ZSWIM5: variants seen among roughly 807,000 people sequenced by gnomAD.
The protein encoded by ZSWIM5 is zinc finger SWIM domain-containing protein 5.
A neutral mutation model predicts 119.6 loss-of-function variants in ZSWIM5; 55 were observed. That is an observed-to-expected ratio of 0.46 (90% confidence interval 0.37 to 0.58). The LOEUF (loss-of-function observed/expected upper bound fraction) is 0.58, where lower values mean the gene tolerates loss of function less well. Among genes scored for constraint, ZSWIM5 ranks in the 20% least tolerant of loss-of-function variants. ZSWIM5 has a pLI of 0.00. For synonymous variants in ZSWIM5, 537 were observed against 606.9 expected, an observed-to-expected ratio of 0.88 and a Z score of 1.69; for missense variants, 1,193 against 1,512.8, an observed-to-expected ratio of 0.79 and a Z score of 3.51.
At chr1:45,148,929 C>T (rs1292058134) in intron 1 of ZSWIM5, among the ~76,000 whole-genome samples, 1 of 152,160 alleles carries the variant, frequency 6.6e-6, no homozygotes, top group South Asian at 2.1e-4. Context: ...CATAAGATCA[C>T]AGCTGCTTAA....
intron 1 of ZSWIM5, among the ~76,000 whole-genome samples, chr1:45,095,305 T>C (rs1054456455): frequency 6.6e-6 from 1 of 152,054 alleles, no homozygotes; most frequent in Non-Finnish European, 1.5e-5. Context: ...TTTTTATTTT[T>C]TGTAGAGATG....
intron 1 of ZSWIM5, among the ~76,000 whole-genome samples, chr1:45,111,599 A>C (rs756970500): frequency 1.4e-4 from 22 of 152,272 alleles, no homozygotes; most frequent in Non-Finnish European, 2.6e-4. Flanking sequence ...TGGAGGCTCT[A>C]GGGGAAAATC....
chr1:45,052,763 A>G (rs1461136476), intron 4 of ZSWIM5, among the ~76,000 whole-genome samples: 2 of 151,968 alleles, frequency 1.3e-5, no homozygotes, highest in African/African-American at 2.4e-5. Context: ...ATGGGAAAAA[A>G]AAAAAAGAAA....
intron 1 of ZSWIM5, among the ~76,000 whole-genome samples, chr1:45,126,390 T>A (rs1044239113): frequency 1.1e-4 from 17 of 151,848 alleles, no homozygotes; most frequent in African/African-American, 4.1e-4. Context: ...AATAAGTAAA[T>A]ACTATGAACA....
rs556409467 is a variant in ZSWIM5, at chr1:45,021,634, C to T, written c.2450-846G>A. ...GTAGGCCTTATGTTTTGCTTTGTAA[C>T]TGCTGATAAAGTCAAAGAGAAGGAA... On this transcript the variant is annotated intron_variant, in intron 11 of 13. Coordinates refer to ENST00000359600, the MANE Select transcript of ZSWIM5 (RefSeq NM_020883.2). Among the ~76,000 whole-genome samples the T allele has an allele frequency of 1.4e-3, 206 of 152,282 alleles. 1 individual carries two copies. Among genetic ancestry groups the T allele is most frequent in the Non-Finnish European group, 2.7e-3 (182 of 68,026 alleles).
intron 1 of ZSWIM5, among the ~76,000 whole-genome samples, chr1:45,175,649 G>A (rs1645975641): frequency 6.6e-6 from 1 of 151,522 alleles, no homozygotes; most frequent in South Asian, 2.1e-4. Flanking sequence ...ACGGTGTTTT[G>A]CCATGTTGCC....
At chr1:45,022,540 G>A (rs11809982) in intron 11 of ZSWIM5, among the ~76,000 whole-genome samples, 36,203 of 152,066 alleles carry the variant, frequency 0.24, 4,616 homozygotes, top group Admixed American at 0.33. Context: ...GTTTTTGGGT[G>A]CCAGGATTAT....
intron 11 of ZSWIM5, among the ~76,000 whole-genome samples, chr1:45,022,419 C>T (rs970245117): frequency 3.3e-5 from 5 of 151,962 alleles, no homozygotes; most frequent in African/African-American, 9.7e-5. Flanking sequence ...TGTGAGCCAC[C>T]GCACCTGACC....
In ZSWIM5 at chr1:45,020,658, G is replaced by C. The variant is rs371721903; in HGVS notation, c.2580C>G (p.Thr860=). Reference sequence around the variant, plus strand: ...CAAGTTCCAGGGCAACGTTGAGCAGGGTGCTGTCAGTACTACTGTCGGTGG... The same window carrying C: ...CAAGTTCCAGGGCAACGTTGAGCAGCGTGCTGTCAGTACTACTGTCGGTGG... The part of the protein sequence containing the change: ...ATPTDSSTDS[T]LLNVALELGL... The change falls in exon 12 of 14, where the codon ACC becomes ACG. Residue 860 remains threonine, a synonymous_variant. Coordinates refer to ENST00000359600, the MANE Select transcript of ZSWIM5 (RefSeq NM_020883.2). 14 of 1,613,888 alleles carry C rather than the reference G, an allele frequency of 8.7e-6. No homozygotes were observed. Among genetic ancestry groups the C allele is most frequent in the Admixed American group, 1.7e-5 (1 of 59,984 alleles).
At chr1:45,115,936 A>G (rs1434900611) in intron 1 of ZSWIM5, among the ~76,000 whole-genome samples, 1 of 152,188 alleles carries the variant, frequency 6.6e-6, no homozygotes, top group Non-Finnish European at 1.5e-5. Context: ...AGCCGAGATC[A>G]CGCCACTGCA....
intron 2 of ZSWIM5, among the ~76,000 whole-genome samples, chr1:45,067,078 G>T (rs370931577): frequency 6.6e-6 from 1 of 152,070 alleles, no homozygotes; most frequent in African/African-American, 2.4e-5. Flanking sequence ...GTTGATCTTG[G>T]GATGCCTTTA....
intron 4 of ZSWIM5, among the ~76,000 whole-genome samples, chr1:45,056,894 G>A (rs779307907): frequency 3.9e-5 from 6 of 152,168 alleles, no homozygotes; most frequent in South Asian, 2.1e-4. Flanking sequence ...ATGTGTGATC[G>A]GTCCCATTTT....
rs545423716 is a variant in ZSWIM5, at chr1:45,050,495, C to T, written c.1432+579G>A. 1.3e-4 allele frequency among the ~76,000 whole-genome samples: 20 copies of T among 152,226 alleles called. No individual in the cohort carries two copies. The South Asian group carries it at 4.2e-3, about 32-fold the overall frequency. ...TGAATTAGTTGAACTAAAACTGATA[C>T]GAATGCTGATGTCAAGTGATGTCTG... On this transcript the variant is annotated intron_variant, in intron 5 of 13. Coordinates refer to ENST00000359600, the MANE Select transcript of ZSWIM5 (RefSeq NM_020883.2).
chr1:45,060,205 T>A lies in ZSWIM5; in HGVS notation c.995A>T (p.Asn332Ile). 6.2e-7 allele frequency: 1 copy of A among 1,614,070 alleles called. No individual in the cohort carries two copies. Among genetic ancestry groups the A allele is most frequent in the Non-Finnish European group, 8.5e-7 (1 of 1,180,026 alleles). The change falls in exon 3 of 14, where the codon AAC becomes ATC. Residue 332 changes from asparagine (N) to isoleucine (I), a missense_variant. Physicochemically the swap from Asn to Ile is moderately radical, Grantham distance 149. Around this residue, in one of 2 missense-constraint regions of ZSWIM5, gnomAD observed 961 missense variants for 1,290.0 expected, o/e 0.74. Coordinates refer to ENST00000359600, the MANE Select transcript of ZSWIM5 (RefSeq NM_020883.2). ...PTAGASIDDE[N>I]CWHLDEEQVK... The stretch of plus-strand genomic sequence containing the variant: ...CTGTTCTTCATCCAAATGCCAACAG[T>A]TCTCATCGTCAATGCTGGCCCCAGC...
chr1:45,120,841 T>C (rs1354280423), intron 1 of ZSWIM5, among the ~76,000 whole-genome samples: 2 of 152,142 alleles, frequency 1.3e-5, no homozygotes, highest in Admixed American at 6.5e-5. Context: ...TCTAAACCTA[T>C]ACACTATTCT....
intron 1 of ZSWIM5, among the ~76,000 whole-genome samples, chr1:45,180,275 G>A (rs1646008273): frequency 6.6e-6 from 1 of 152,210 alleles, no homozygotes; most frequent in Middle Eastern, 3.2e-3. Flanking sequence ...CACACCAGGA[G>A]ATTATATCCT....
intron 5 of ZSWIM5, among the ~76,000 whole-genome samples, chr1:45,046,676 GAGCTGTT>G (rs1645056842): frequency 7.1e-6 from 1 of 141,114 alleles, no homozygotes; most frequent in African/African-American, 2.9e-5. Flanking sequence ...ACACATATAT[GAGCTGTT>G]AGTATGTAAA....
In ZSWIM5 at chr1:45,148,504, A is replaced by G. The variant is rs563243078; in HGVS notation, c.595+57252T>C. 1.3e-4 allele frequency among the ~76,000 whole-genome samples: 20 copies of G among 152,258 alleles called. No homozygotes were observed. In the South Asian group the frequency reaches 3.1e-3, roughly 24 times the overall value. On this transcript the variant is annotated intron_variant, in intron 1 of 13. Transcript: ENST00000359600. Reference sequence around the variant, plus strand: ...AAGAGAAGTTTCATTGAAAAAAAAAAAAGCTGTAAACCAATTTAGGCTGAA... The same window carrying G: ...AAGAGAAGTTTCATTGAAAAAAAAAGAAGCTGTAAACCAATTTAGGCTGAA...
chr1:45,130,292 G>A (rs1202501830), intron 1 of ZSWIM5, among the ~76,000 whole-genome samples: 1 of 152,044 alleles, frequency 6.6e-6, no homozygotes, highest in Non-Finnish European at 1.5e-5. Context: ...ACAAGCTACA[G>A]ACTGGGAGAA....
Sources: allele counts gnomAD v4.1 joint callset (sites outside exome capture counted in the v4.1 genomes callset), GRCh38; gene constraint gnomAD v4.1.1; regional missense constraint gnomAD v4.1.1; transcripts MANE v1.5; gene names NCBI Gene and HGNC (gene_info 2026-07-23, HGNC 2026-07-21).